Variants in RNF144B observed in about 807,000 individuals in gnomAD.
The protein encoded by RNF144B is ring finger protein 144B.
Under a neutral mutation model 40.2 loss-of-function variants are expected in RNF144B, and 25 were observed. The ratio of observed to expected loss-of-function variants is 0.62; its 90% CI spans 0.45 to 0.87. RNF144B has a LOEUF of 0.87. RNF144B is among the 40% of genes least tolerant of loss of function. The probability of loss-of-function intolerance (pLI) is 0.00; values close to 1 mark genes in which losing one functional copy is unlikely to be tolerated. For missense variants in RNF144B, 365 were observed against 373.7 expected, an observed-to-expected ratio of 0.98 and a Z score of 0.19; for synonymous variants, 145 against 136.3, an observed-to-expected ratio of 1.06 and a Z score of -0.44.
Position 18,412,148 on chromosome 6 carries a change from A to G in RNF144B, c.165+12449A>G, listed in dbSNP as rs141018052. ...AATTGCCTAACCAAAATAGATGTACATTTTAAATCAGTATGTGTTACCAAA... is the reference window on the plus strand; with the variant it reads ...AATTGCCTAACCAAAATAGATGTACGTTTTAAATCAGTATGTGTTACCAAA... On this transcript the variant is annotated intron_variant, in intron 2 of 7. Transcript: ENST00000259939. This position sits in a 1 kb window ranked among gnomAD's most constrained non-coding sequence, Gnocchi z 4.2. Among the ~76,000 whole-genome samples, 23 of 152,310 alleles carry G rather than the reference A, an allele frequency of 1.5e-4. No homozygotes were observed. In the East Asian group the frequency reaches 4.4e-3, roughly 29 times the overall value.
Position 18,396,705 on chromosome 6 carries a change from T to C in RNF144B, c.-36-2794T>C, listed in dbSNP as rs1000863762. 1.2e-5 allele frequency: 12 copies of C among 985,272 alleles called. No homozygotes were observed. In the South Asian group the frequency reaches 3.3e-4, roughly 27 times the overall value. The allele number at this position is 985,272 out of a possible 1,614,324, so 61.0% of individuals were successfully genotyped here. ...ATAAGCAGTGAAGCAGCGTTGAGAA[T>C]GTACAGGTGAGAAGACAACAGATGG... On this transcript the variant is annotated intron_variant, in intron 1 of 7. Coordinates refer to ENST00000259939, the MANE Select transcript of RNF144B (RefSeq NM_182757.4).
rs76610007 is a variant in RNF144B, at chr6:18,442,805, G to C, written c.331+3061G>C. 0.028 allele frequency among the ~76,000 whole-genome samples: 4,293 copies of C among 152,190 alleles called. 72 individuals carry two copies. The highest frequency in any genetic ancestry group is 0.045 in the Middle Eastern group (13 of 292). Reference sequence around the variant, plus strand: ...GGAATCATACAATATCTGTCCTTTTGTGTTTGTCTTATTTTACTTAATATA... The same window carrying C: ...GGAATCATACAATATCTGTCCTTTTCTGTTTGTCTTATTTTACTTAATATA... On this transcript the variant is annotated intron_variant, in intron 4 of 7. Coordinates refer to ENST00000259939, the MANE Select transcript of RNF144B (RefSeq NM_182757.4). The surrounding 1 kb of genome is among the most constrained non-coding windows in gnomAD (Gnocchi z 4.3).
At chr6:18,427,326 G>T (rs1582422494) in intron 2 of RNF144B, among the ~76,000 whole-genome samples, 1 of 152,076 alleles carries the variant, frequency 6.6e-6, no homozygotes, top group Non-Finnish European at 1.5e-5. Context: ...ATCTATGGTG[G>T]CTGAAATGTG....
chr6:18,458,901 A>G lies in RNF144B; in HGVS notation c.537-706A>G, dbSNP rs1759391956. Among the ~76,000 whole-genome samples the G allele has an allele frequency of 6.6e-6, 1 of 152,156 alleles. No homozygotes were observed. On this transcript the variant is annotated intron_variant, in intron 5 of 7. Transcript: ENST00000259939. This position sits in a 1 kb window ranked among gnomAD's most constrained non-coding sequence, Gnocchi z 4.8. ...GCACTCAAAAAGTTTCAGATTTTGG[A>G]GCATTTTGGATTTCAAATTGTGGAC...
chr6:18,463,412 A>G (rs953743395), intron 7 of RNF144B, 32 bp downstream of exon 7: 2 of 1,310,978 alleles, frequency 1.5e-6, no homozygotes, highest in Non-Finnish European at 2.2e-6. Context: ...CGTGACATAA[A>G]CCAAAATCGT....
At chr6:18,404,436 T>A (rs1447568524) in intron 2 of RNF144B, among the ~76,000 whole-genome samples, 1 of 152,172 alleles carries the variant, frequency 6.6e-6, no homozygotes, top group Admixed American at 6.5e-5. Context: ...GGGTTGACAA[T>A]ACCTACCTTT....
At position 18,392,374 on chromosome 6, in the gene RNF144B, A is replaced by G. The variant is rs529298130; in HGVS notation, c.-37+4744A>G. ...TTAGTTGTAACAGACTTTATTCATA[A>G]CCTAATTTCAAGCAGCAAAGAGATT... On this transcript the variant is annotated intron_variant, in intron 1 of 7. Coordinates refer to ENST00000259939, the MANE Select transcript of RNF144B (RefSeq NM_182757.4). Among the ~76,000 whole-genome samples the G allele has an allele frequency of 6.6e-5, 10 of 152,320 alleles. 1 individual carries two copies. Among genetic ancestry groups the G allele is most frequent in the Admixed American group, 6.5e-4 (10 of 15,302 alleles).
In RNF144B at chr6:18,448,667, T is replaced by C. The variant is rs1427463528; in HGVS notation, c.332-8488T>C. ...ACTGTGACCCAGAATAATAAATCCA[T>C]TTTATTTTGAAAGCCAGCATGCACA... On this transcript the variant is annotated intron_variant, in intron 4 of 7. Coordinates refer to ENST00000259939, the MANE Select transcript of RNF144B (RefSeq NM_182757.4). The surrounding 1 kb of genome is among the most constrained non-coding windows in gnomAD (Gnocchi z 4.0). 6.8e-6 allele frequency among the ~76,000 whole-genome samples: 1 copy of C among 147,424 alleles called. No individual in the cohort carries two copies. The highest frequency in any genetic ancestry group is 1.5e-5 in the Non-Finnish European group (1 of 66,940).
Position 18,427,655 on chromosome 6 carries a change from C to T in RNF144B, c.240C>T (p.Cys80=). The change falls in exon 3 of 8, where the codon TGC becomes TGT. Residue 80 remains cysteine (C), a synonymous_variant. Transcript: ENST00000259939. The part of the protein sequence containing the change: ...GSPITCPDMV[C]LNHGTLQEAE... ...CCATCACTTGCCCTGACATGGTGTG[C>T]CTAAACCACGGGACCCTGCAGGAAG... 1 of 1,613,176 alleles carries T rather than the reference C, an allele frequency of 6.2e-7. No homozygotes were observed. The highest frequency in any genetic ancestry group is 8.5e-7 in the Non-Finnish European group (1 of 1,179,330).
rs66505065 is a variant in RNF144B at position 18,467,400 on chromosome 6, G to GTTTTTTTTTTTTTTTTT, written c.*2336_*2352dup. On this transcript the variant is annotated 3_prime_UTR_variant, in exon 8 of 8. Transcript: ENST00000259939. ...TTGTATCACTGAATTAGCTGCTTTT[G>GTTTTTTTTTTTTTTTTT]TTTTTTTTTTTTTTTTTTTGCCAGG... 2 of 102,270 alleles carry GTTTTTTTTTTTTTTTTT rather than the reference G, an allele frequency of 2.0e-5. No homozygotes were observed. The highest frequency in any genetic ancestry group is 1.9e-5 in the Non-Finnish European group (1 of 53,416). The allele number at this position is 102,270 out of a possible 1,614,324, so 6.3% of individuals were successfully genotyped here.
At chr6:18,396,557 G>A in intron 1 of RNF144B, 2 of 985,372 alleles carry the variant, frequency 2.0e-6, no homozygotes, top group Non-Finnish European at 2.4e-6. Context: ...TTGGGGTGTG[G>A]GATGGTTCTG....
chr6:18,420,443 A>G (rs1017246191), intron 2 of RNF144B, among the ~76,000 whole-genome samples: 1 of 152,128 alleles, frequency 6.6e-6, no homozygotes, highest in African/African-American at 2.4e-5. Context: ...GAAGAGGAGC[A>G]GATATAATCT....
At chr6:18,404,017 A>G (rs1188689833) in intron 2 of RNF144B, among the ~76,000 whole-genome samples, 2 of 152,236 alleles carry the variant, frequency 1.3e-5, no homozygotes, top group Admixed American at 1.3e-4. Context: ...CCATTCCCCA[A>G]CTAGGTCCCA....
intron 3 of RNF144B, among the ~76,000 whole-genome samples, chr6:18,433,467 C>T (rs1758742023): frequency 1.3e-5 from 2 of 152,168 alleles, no homozygotes; most frequent in Admixed American, 1.3e-4. Flanking sequence ...TAAGAAAATT[C>T]TTTAACTAAT....
intron 4 of RNF144B, among the ~76,000 whole-genome samples, chr6:18,440,874 T>C (rs982943473): frequency 6.8e-6 from 1 of 146,868 alleles, no homozygotes; most frequent in African/African-American, 2.5e-5. Flanking sequence ...AAGGCTGATA[T>C]ATTAAGCTAA....
In RNF144B at chr6:18,459,814, T is replaced by G; in HGVS notation, c.681+63T>G. 2 of 1,418,292 alleles carry G rather than the reference T, an allele frequency of 1.4e-6. No homozygotes were observed. The highest frequency in any genetic ancestry group is 1.9e-6 in the Non-Finnish European group (2 of 1,046,190). 87.9% of individuals were successfully genotyped at this position (1,418,292 alleles called of 1,614,324 possible). ...TACTGTATCTGCACCACAGCTGATA[T>G]CCTACAGATTTTCCTTTAAAATATT... On this transcript the variant is annotated intron_variant, in intron 6 of 7. Coordinates refer to ENST00000259939, the MANE Select transcript of RNF144B (RefSeq NM_182757.4). The surrounding 1 kb of genome is among the most constrained non-coding windows in gnomAD (Gnocchi z 4.2).
In RNF144B at chr6:18,466,721, C is replaced by T. The variant is rs920292940; in HGVS notation, c.*1654C>T. 1 of 152,536 alleles carries T rather than the reference C, an allele frequency of 6.6e-6. No homozygotes were observed. 9.4% of individuals were successfully genotyped at this position (152,536 alleles called of 1,614,324 possible). Reference sequence around the variant, plus strand: ...ATAGAATATCAAATTGCTGCTATCTCGGACCTATTGTTAAAGGATGATGCT... The same window carrying T: ...ATAGAATATCAAATTGCTGCTATCTTGGACCTATTGTTAAAGGATGATGCT... On this transcript the variant is annotated 3_prime_UTR_variant, in exon 8 of 8. Coordinates refer to ENST00000259939, the MANE Select transcript of RNF144B (RefSeq NM_182757.4).
rs751613301 is a variant in RNF144B at position 18,422,874 on chromosome 6, T to C, written c.166-4707T>C. Among the ~76,000 whole-genome samples, 1 of 151,332 alleles carries C rather than the reference T, an allele frequency of 6.6e-6. No homozygotes were observed. The highest frequency in any genetic ancestry group is 1.5e-5 in the Non-Finnish European group (1 of 67,926). On this transcript the variant is annotated intron_variant, in intron 2 of 7. Coordinates refer to ENST00000259939, the MANE Select transcript of RNF144B (RefSeq NM_182757.4). The surrounding 1 kb of genome is among the most constrained non-coding windows in gnomAD (Gnocchi z 4.7). ...TGAGGAGCTGAGGTGGGAGGATCACTGAACCCAGGAGTTTGAGGTTTGCAA... is the reference window on the plus strand; with the variant it reads ...TGAGGAGCTGAGGTGGGAGGATCACCGAACCCAGGAGTTTGAGGTTTGCAA...
rs1759115026 is a variant in RNF144B at position 18,447,757 on chromosome 6, A to G, written c.331+8013A>G. 1.3e-5 allele frequency among the ~76,000 whole-genome samples: 2 copies of G among 152,232 alleles called. No individual in the cohort carries two copies. Among genetic ancestry groups the G allele is most frequent in the African/African-American group, 2.4e-5 (1 of 41,458 alleles). On this transcript the variant is annotated intron_variant, in intron 4 of 7. Transcript: ENST00000259939. This position sits in a 1 kb window ranked among gnomAD's most constrained non-coding sequence, Gnocchi z 5.6. ...TAGTATAAACTTTGGAATCGTCAGCATAGAGGTCAGGTTTAAAGCTGTGAC... is the reference window on the plus strand; with the variant it reads ...TAGTATAAACTTTGGAATCGTCAGCGTAGAGGTCAGGTTTAAAGCTGTGAC...
Sources: allele counts gnomAD v4.1 joint callset (sites outside exome capture counted in the v4.1 genomes callset), GRCh38; gene constraint gnomAD v4.1.1; non-coding constraint Gnocchi (gnomAD v3.1); transcripts MANE v1.5; gene names NCBI Gene and HGNC (gene_info 2026-07-23, HGNC 2026-07-21).